MGA: variants seen among roughly 807,000 people sequenced by gnomAD.
MGA encodes MAX dimerization protein MGA, also known as MAX gene-associated protein.
In MGA, 40 loss-of-function variants were observed where a neutral mutation model predicts 261.1. The ratio of observed to expected loss-of-function variants is 0.15; its 90% CI spans 0.12 to 0.20. The LOEUF (loss-of-function observed/expected upper bound fraction) is 0.20, where lower values mean the gene tolerates loss of function less well. Among genes scored for constraint, MGA ranks in the 10% least tolerant of loss-of-function variants. The probability of loss-of-function intolerance (pLI) is 1.00; values close to 1 mark genes in which losing one functional copy is unlikely to be tolerated. For missense variants in MGA, 3,397 were observed against 3,630.5 expected, an observed-to-expected ratio of 0.94 and a Z score of 1.65; for synonymous variants, 1,302 against 1,290.6, an observed-to-expected ratio of 1.01 and a Z score of -0.19.
At chr15:41,624,696 C>T (rs1009551510) in intron 1 of MGA, among the ~76,000 whole-genome samples, 2 of 152,152 alleles carry the variant, frequency 1.3e-5, no homozygotes, top group Non-Finnish European at 2.9e-5. Flanking sequence ...TCTGGAACTC[C>T]TCACTTCAGG....
chr15:41,697,753 A>C (rs1034677251), intron 3 of MGA, among the ~76,000 whole-genome samples: 3 of 151,934 alleles, frequency 2.0e-5, no homozygotes, highest in Non-Finnish European at 4.4e-5. Flanking sequence ...CCATTGGAGA[A>C]CCAAATATTA....
intron 2 of MGA, among the ~76,000 whole-genome samples, chr15:41,693,849 A>C (rs2059414106): frequency 6.6e-6 from 1 of 152,180 alleles, no homozygotes; most frequent in Non-Finnish European, 1.5e-5. Flanking sequence ...TCAATATTTT[A>C]GGAAGATAAA....
At chr15:41,765,232 G>A (rs1243114081) in intron 23 of MGA, among the ~76,000 whole-genome samples, 170 bp downstream of exon 23, 3 of 152,300 alleles carry the variant, frequency 2.0e-5, no homozygotes, top group East Asian at 1.9e-4. Flanking sequence ...TTGAGCTGTG[G>A]TACTGTTTGG....
chr15:41,644,472 A>G (rs528159395), intron 1 of MGA, among the ~76,000 whole-genome samples: 13 of 152,108 alleles, frequency 8.5e-5, no homozygotes, highest in Admixed American at 2.0e-4. Flanking sequence ...CTTGGTCAAC[A>G]TGGTGAAACC....
At chr15:41,660,130 G>A (rs2057303831), upstream of MGA, among the ~76,000 whole-genome samples, 1 of 152,362 alleles carries the variant, frequency 6.6e-6, no homozygotes, top group African/African-American at 2.4e-5. Context: ...CAGTTTCCAC[G>A]AAGGCTTCGT....
intron 1 of MGA, among the ~76,000 whole-genome samples, chr15:41,635,840 AG>A (rs1333624599): frequency 2.6e-5 from 4 of 152,202 alleles, no homozygotes; most frequent in Non-Finnish European, 5.9e-5. Flanking sequence ...GCATAGTGAT[AG>A]GGTAGCTGTT....
rs2060471565 is a variant in MGA at position 41,713,215 on chromosome 15, A to C, written c.3149A>C (p.Asp1050Ala). 5 of 1,613,968 alleles carry C rather than the reference A, an allele frequency of 3.1e-6. No homozygotes were observed. Among genetic ancestry groups the C allele is most frequent in the Non-Finnish European group, 4.2e-6 (5 of 1,179,888 alleles). The change falls in exon 9 of 24, where the codon GAC (aspartate) becomes GCC (alanine). Residue 1050 changes from aspartate to alanine, a missense_variant. Physicochemically the swap from Asp to Ala is moderately radical, Grantham distance 126. Around this residue, in one of 9 missense-constraint regions of MGA, gnomAD observed 519 missense variants for 554.1 expected, o/e 0.94. Transcript: ENST00000219905. ...AAACGAGCCCCTCCCTGCAACAATG[A>C]CTTCTGTCGACTGGGTTGTGTATGT...
Position 41,749,382 on chromosome 15 carries a change from C to T in MGA, c.5775C>T (p.Ser1925=), listed in dbSNP as rs2062702683. 1 of 1,613,992 alleles carries T rather than the reference C, an allele frequency of 6.2e-7. No homozygotes were observed. Among genetic ancestry groups the T allele is most frequent in the African/African-American group, 1.3e-5 (1 of 75,036 alleles). Reference sequence around the variant, plus strand: ...GCTCTGAAACCAAAATAACTTATAGCTCAGGAGGACAGCCTGTTGGTACAG... The same window carrying T: ...GCTCTGAAACCAAAATAACTTATAGTTCAGGAGGACAGCCTGTTGGTACAG... The change falls in exon 17 of 24, where the codon AGC becomes AGT. Residue 1925 remains serine (S), a synonymous_variant. Coordinates refer to ENST00000219905, the MANE Select transcript of MGA (RefSeq NM_001164273.2).
At chr15:41,725,405 G>A (rs1349708702) in intron 9 of MGA, among the ~76,000 whole-genome samples, 1 of 152,068 alleles carries the variant, frequency 6.6e-6, no homozygotes, top group Non-Finnish European at 1.5e-5. Context: ...GACCTATGCA[G>A]GCATGGTGGC....
At chr15:41,665,782 C>A (rs1224861278) in intron 1 of MGA, among the ~76,000 whole-genome samples, 1 of 152,182 alleles carries the variant, frequency 6.6e-6, no homozygotes, top group Non-Finnish European at 1.5e-5. Context: ...GTCCCAGTTA[C>A]CCCTTCCCCT....
intron 7 of MGA, among the ~76,000 whole-genome samples, chr15:41,709,494 G>C (rs1440987911): frequency 2.0e-5 from 3 of 152,018 alleles, no homozygotes; most frequent in Non-Finnish European, 4.4e-5. Context: ...GCCCAGGTTG[G>C]AGTGCAGTGG....
chr15:41,708,617 G>A (rs1436394747), intron 7 of MGA, among the ~76,000 whole-genome samples: 1 of 152,040 alleles, frequency 6.6e-6, no homozygotes, highest in Non-Finnish European at 1.5e-5. Context: ...CCGCGCCCAA[G>A]CCTTCCATGG....
At chr15:41,662,423 C>G (rs1379881421) in intron 1 of MGA, among the ~76,000 whole-genome samples, 1 of 152,200 alleles carries the variant, frequency 6.6e-6, no homozygotes, top group Non-Finnish European at 1.5e-5. Flanking sequence ...CTCTCTTACG[C>G]AGGTGCAATT....
chr15:41,680,499 G>A (rs914298051), intron 2 of MGA, among the ~76,000 whole-genome samples: 19 of 152,156 alleles, frequency 1.2e-4, no homozygotes, highest in African/African-American at 4.6e-4. Flanking sequence ...AACCACAACT[G>A]GAGATCCTAG....
At chr15:41,664,102 C>T (rs986200798) in intron 1 of MGA, among the ~76,000 whole-genome samples, 9 of 152,242 alleles carry the variant, frequency 5.9e-5, no homozygotes, top group African/African-American at 2.2e-4. Context: ...GCATTTTCAT[C>T]AACTAATGGA....
In MGA at chr15:41,713,349, A is replaced by C; in HGVS notation, c.3283A>C (p.Lys1095Gln). 1 of 1,613,956 alleles carries C rather than the reference A, an allele frequency of 6.2e-7. No homozygotes were observed. The highest frequency in any genetic ancestry group is 8.5e-7 in the Non-Finnish European group (1 of 1,179,848). ...AGTTGTACTTGTTAAAGGAGGATCCAAAACTAAGCATTTTCAGAGGAAGGC... is the reference window on the plus strand; with the variant it reads ...AGTTGTACTTGTTAAAGGAGGATCCCAAACTAAGCATTTTCAGAGGAAGGC... Residue 1095 changes from lysine (K) to glutamine (Q), a missense_variant, in exon 9 of 24, where the codon AAA becomes CAA. Physicochemically the swap from Lys to Gln is moderately conservative, Grantham distance 53. Transcript: ENST00000219905.
chr15:41,721,133 A>G (rs562644655), intron 9 of MGA, among the ~76,000 whole-genome samples: 251 of 152,294 alleles, frequency 1.6e-3, no homozygotes, highest in African/African-American at 5.9e-3. Flanking sequence ...AAGAAAACCA[A>G]TTCTTAGGGA....
At chr15:41,732,741 T>C (rs530607419) in intron 11 of MGA, among the ~76,000 whole-genome samples, 65 of 152,350 alleles carry the variant, frequency 4.3e-4, no homozygotes, top group Admixed American at 1.8e-3. Flanking sequence ...TTCATTATTA[T>C]CTGCTCAGAA....
At chr15:41,721,399 TG>T (rs752816292) in intron 9 of MGA, among the ~76,000 whole-genome samples, 1 of 152,052 alleles carries the variant, frequency 6.6e-6, no homozygotes, top group Non-Finnish European at 1.5e-5. Context: ...ACCTGGGAGA[TG>T]GAGGTTGCAG....
Sources: allele counts gnomAD v4.1 joint callset (sites outside exome capture counted in the v4.1 genomes callset), GRCh38; gene constraint gnomAD v4.1.1; regional missense constraint gnomAD v4.1.1; transcripts MANE v1.5; gene names NCBI Gene and HGNC (gene_info 2026-07-23, HGNC 2026-07-21).